TSHR: variants seen among roughly 807,000 people sequenced by gnomAD.
TSHR encodes the protein thyroid stimulating hormone receptor.
A neutral mutation model predicts 64.1 loss-of-function variants in TSHR; 51 were observed. That is an observed-to-expected ratio of 0.80 (90% CI 0.64 to 1.01). TSHR has a LOEUF of 1.01. Ranked by LOEUF, TSHR falls within the 50% of genes least tolerant of loss-of-function variation. The probability of loss-of-function intolerance (pLI) is 0.00; values close to 1 mark genes in which losing one functional copy is unlikely to be tolerated. For synonymous variants in TSHR, 361 were observed against 361.9 expected (o/e 1.00, Z 0.03); for missense variants, 877 against 942.8 (o/e 0.93, Z 0.91).
chr14:81,042,932 A>G (rs1475475948), intron 1 of TSHR, among the ~76,000 whole-genome samples: 1 of 152,022 alleles, frequency 6.6e-6, no homozygotes, highest in Non-Finnish European at 1.5e-5. Context: ...ATGTGTCAGT[A>G]AAAAACAAAA....
rs1434044582 is a variant in TSHR, at chr14:81,108,371, C to G, written c.615-4C>G. On this transcript the variant is annotated splice_polypyrimidine_tract_variant and splice_region_variant and intron_variant, in intron 7 of 9. Coordinates refer to ENST00000298171, the MANE Select transcript of TSHR (RefSeq NM_000369.5). ...TCTCTCTCTCTTTCTCTCTCTCCCT[C>G]TAGTTACCTAAACAAGAATAAATAC... The G allele has an allele frequency of 1.3e-5, 21 of 1,610,052 alleles. No homozygotes were observed. The highest frequency in any genetic ancestry group is 1.8e-5 in the Non-Finnish European group (21 of 1,177,006).
intron 2 of TSHR, among the ~76,000 whole-genome samples, chr14:81,067,543 A>G (rs140906587): frequency 0.013 from 1,972 of 147,272 alleles, 58 homozygotes; most frequent in African/African-American, 0.046. Flanking sequence ...TATATACACC[A>G]TATATACATA....
At chr14:81,053,500 A>G (rs1432035296) in intron 1 of TSHR, 1 of 152,234 alleles carries the variant, frequency 6.6e-6, no homozygotes, top group African/African-American at 2.4e-5. Context: ...AATTACAAAT[A>G]CCAATCAAGA....
In TSHR at chr14:80,980,862, C is replaced by G. The variant is rs180720840; in HGVS notation, c.170+25012C>G. On this transcript the variant is annotated intron_variant, in intron 1 of 9. Transcript: ENST00000298171. ...CTTAGCTTTACATATATTTCCAGGC[C>G]ACTATTCTTCAGCTAACTACTCTTC... Among the ~76,000 whole-genome samples the G allele has an allele frequency of 3.3e-5, 5 of 152,220 alleles. No homozygotes were observed. The East Asian group carries it at 9.6e-4, about 29-fold the overall frequency.
chr14:81,073,239 T>C (rs561496859), intron 3 of TSHR, among the ~76,000 whole-genome samples: 30 of 151,310 alleles, frequency 2.0e-4, no homozygotes, highest in Non-Finnish European at 3.7e-4. Context: ...ACTAAAAAGA[T>C]AAACAATAAT....
At chr14:80,962,461 GT>G (rs1240520276) in intron 1 of TSHR, among the ~76,000 whole-genome samples, 4 of 152,192 alleles carry the variant, frequency 2.6e-5, no homozygotes, top group African/African-American at 9.7e-5. Context: ...GCTGGTTGCT[GT>G]TGGCAATCCA....
At chr14:81,036,810 G>C (rs752462384) in intron 1 of TSHR, among the ~76,000 whole-genome samples, 4 of 152,106 alleles carry the variant, frequency 2.6e-5, no homozygotes, top group Non-Finnish European at 5.9e-5. Flanking sequence ...AATACGTACA[G>C]GATATGAAAG....
At chr14:81,096,749 C>T in intron 7 of TSHR, 42 bp downstream of exon 7, 1 of 1,598,556 alleles carries the variant, frequency 6.3e-7, no homozygotes, top group Non-Finnish European at 8.6e-7. Context: ...TTTCCCTTAC[C>T]CTAAGAACCA....
chr14:81,102,176 A>AG (rs1889628901), intron 7 of TSHR, among the ~76,000 whole-genome samples: 2 of 119,104 alleles, frequency 1.7e-5, no homozygotes, highest in South Asian at 4.9e-4. Context: ...CATCTCAGGG[A>AG]AAAAAAAAAA....
At chr14:81,112,880 TCAAA>T (rs528543699) in intron 8 of TSHR, among the ~76,000 whole-genome samples, 139 of 152,228 alleles carry the variant, frequency 9.1e-4, no homozygotes, top group African/African-American at 3.1e-3. Context: ...CCATTGCCGC[TCAAA>T]CAGAGTAAAG....
intron 8 of TSHR, among the ~76,000 whole-genome samples, chr14:81,121,176 C>CAAAA (rs79487366): frequency 1.6e-4 from 23 of 147,482 alleles, no homozygotes; most frequent in African/African-American, 5.7e-4. Context: ...ACCCATATGG[C>CAAAA]AAAAAAAAAG....
chr14:80,971,692 T>C (rs1318479195), intron 1 of TSHR, among the ~76,000 whole-genome samples: 1 of 152,226 alleles, frequency 6.6e-6, no homozygotes, highest in Non-Finnish European at 1.5e-5. Flanking sequence ...CCTTTAAGTC[T>C]TTCAAGTTGA....
rs776455236 is a variant in TSHR, at chr14:81,108,427, G to T, written c.667G>T (p.Gly223Ter). Residue 223 changes from glycine to a stop codon, truncating the protein, a stop_gained, in exon 8 of 10, where the codon GGA (glycine) becomes TGA (stop). Transcript: ENST00000298171. LOFTEE classifies it high-confidence loss of function. ...AGTTATTGACAAAGATGCATTTGGA[G>T]GAGTATACAGTGGACCAAGCTTGCT... ...LTVIDKDAFG[G>*]VYSGPSLLDV... is the part of the protein sequence containing the mutation. The T allele has an allele frequency of 3.1e-6, 5 of 1,613,364 alleles. No individual in the cohort carries two copies. The Admixed American group carries it at 8.3e-5, about 27-fold the overall frequency.
intron 1 of TSHR, chr14:80,992,893 G>A (rs1566752879): frequency 6.6e-6 from 1 of 152,112 alleles, no homozygotes; most frequent in Non-Finnish European, 1.5e-5. Flanking sequence ...TACTAGCATA[G>A]AATCATGGGA....
intron 1 of TSHR, among the ~76,000 whole-genome samples, chr14:81,026,158 A>T (rs891694675): frequency 3.3e-5 from 5 of 152,240 alleles, no homozygotes; most frequent in African/African-American, 1.2e-4. Flanking sequence ...TGAGGCTGTC[A>T]ATCTTTATCC....
intron 1 of TSHR, among the ~76,000 whole-genome samples, chr14:81,041,255 A>T (rs1884906941): frequency 1.3e-5 from 2 of 152,178 alleles, no homozygotes; most frequent in South Asian, 4.1e-4. Context: ...AATACCAAAG[A>T]CATGGAATCA....
At chr14:81,088,060 T>G (rs1212705594) in intron 4 of TSHR, 32 bp downstream of exon 4, 1 of 1,539,542 alleles carries the variant, frequency 6.5e-7, no homozygotes, top group South Asian at 1.1e-5. Flanking sequence ...ATCCTACTTT[T>G]CTGGGGGGAG....
At chr14:81,139,615 C>A in intron 8 of TSHR, 64 bp from the exon 9 acceptor site, 2 of 1,578,872 alleles carry the variant, frequency 1.3e-6, no homozygotes, top group Non-Finnish European at 1.7e-6. Flanking sequence ...GAGTTTCTGG[C>A]CAAGGCTGAG....
At chr14:81,075,937 C>A (rs898046136) in intron 3 of TSHR, among the ~76,000 whole-genome samples, 5 of 152,036 alleles carry the variant, frequency 3.3e-5, no homozygotes, top group Non-Finnish European at 5.9e-5. Context: ...AAATGTGGCA[C>A]ATATACACCA....
Sources: allele counts gnomAD v4.1 joint callset (sites outside exome capture counted in the v4.1 genomes callset), GRCh38; gene constraint gnomAD v4.1.1; transcripts MANE v1.5; gene names NCBI Gene and HGNC (gene_info 2026-07-23, HGNC 2026-07-21).